The following DGKB variants were observed in gnomAD, a reference collection of about 807,000 sequenced individuals.
DGKB encodes 90 kDa diacylglycerol kinase.
Under a neutral mutation model 114.3 loss-of-function variants are expected in DGKB, and 67 were observed. The ratio of observed to expected loss-of-function variants is 0.59; its 90% CI spans 0.48 to 0.72. The LOEUF (loss-of-function observed/expected upper bound fraction) is 0.72, where lower values mean the gene tolerates loss of function less well. Among genes scored for constraint, DGKB ranks in the 30% least tolerant of loss-of-function variants. The probability of loss-of-function intolerance (pLI) is 0.00; values close to 1 mark genes in which losing one functional copy is unlikely to be tolerated. For synonymous variants in DGKB, 398 were observed against 323.1 expected (o/e 1.23, Z -2.49); for missense variants, 907 against 975.2 (o/e 0.93, Z 0.93).
At chr7:14,391,581 C>T (rs1157641719) in intron 21 of DGKB, among the ~76,000 whole-genome samples, 8 of 151,744 alleles carry the variant, frequency 5.3e-5, no homozygotes, top group African/African-American at 1.7e-4. Flanking sequence ...GTCCCATAGT[C>T]CCAGCTACTC....
intron 2 of DGKB, among the ~76,000 whole-genome samples, chr7:14,765,631 A>ATT (rs1416553948): frequency 6.6e-6 from 1 of 151,966 alleles, no homozygotes; most frequent in African/African-American, 2.4e-5. Context: ...TGATAGACAA[A>ATT]TATCTGCTAA....
chr7:14,811,050 A>ACAGTCC (rs1843374275), intron 2 of DGKB, among the ~76,000 whole-genome samples: 1 of 152,160 alleles, frequency 6.6e-6, no homozygotes, highest in Admixed American at 6.5e-5. Context: ...CAGATGTTTT[A>ACAGTCC]AACAGTCCAA....
At chr7:14,298,188 A>G (rs1000019254) in intron 23 of DGKB, among the ~76,000 whole-genome samples, 3 of 152,218 alleles carry the variant, frequency 2.0e-5, no homozygotes, top group African/African-American at 7.2e-5. Flanking sequence ...CTTTCTTCAC[A>G]TAATTAGAAA....
chr7:14,448,193 C>G (rs1381052472), intron 21 of DGKB, among the ~76,000 whole-genome samples: 3 of 152,058 alleles, frequency 2.0e-5, no homozygotes, highest in African/African-American at 7.2e-5. Context: ...CCACATAATG[C>G]TGTTACAGCC....
chr7:14,713,647 T>TC (rs1429336235), intron 6 of DGKB, among the ~76,000 whole-genome samples: 1 of 147,192 alleles, frequency 6.8e-6, no homozygotes, highest in Admixed American at 6.9e-5. Flanking sequence ...TTTTTTTTTT[T>TC]CATTGTCAAA....
At chr7:14,150,215 C>A (rs1243470524) in intron 25 of DGKB, among the ~76,000 whole-genome samples, 1 of 152,074 alleles carries the variant, frequency 6.6e-6, no homozygotes, top group Non-Finnish European at 1.5e-5. Context: ...ATACAAGAAC[C>A]ATCGCTTATT....
At chr7:14,627,350 A>C (rs1490381030) in intron 14 of DGKB, among the ~76,000 whole-genome samples, 1 of 152,110 alleles carries the variant, frequency 6.6e-6, no homozygotes, top group African/African-American at 2.4e-5. Context: ...ACTTGAAGGT[A>C]CACTTGGTGA....
intron 1 of DGKB, among the ~76,000 whole-genome samples, chr7:14,945,033 A>T (rs1239923223): frequency 6.6e-6 from 1 of 151,926 alleles, no homozygotes; most frequent in East Asian, 1.9e-4. Context: ...TCTCTAAAGG[A>T]CATATACATG....
At chr7:14,279,035 G>C (rs1035807841) in intron 23 of DGKB, among the ~76,000 whole-genome samples, 2 of 152,176 alleles carry the variant, frequency 1.3e-5, no homozygotes, top group Admixed American at 1.3e-4. Context: ...CACCGTGAGC[G>C]AGCCGAAGCA....
intron 1 of DGKB, among the ~76,000 whole-genome samples, chr7:14,901,340 C>T (rs1192293845): frequency 1.3e-5 from 2 of 152,256 alleles, no homozygotes; most frequent in East Asian, 3.9e-4. Flanking sequence ...TCCTTGGTTA[C>T]CCATTTTCTA....
chr7:14,150,231 T>G (rs769737232), intron 25 of DGKB, among the ~76,000 whole-genome samples: 1 of 152,136 alleles, frequency 6.6e-6, no homozygotes, highest in African/African-American at 2.4e-5. Flanking sequence ...TTATTAAATA[T>G]CAGTTGTCAC....
chr7:14,818,500 C>T (rs929688682), intron 2 of DGKB, among the ~76,000 whole-genome samples: 5 of 152,134 alleles, frequency 3.3e-5, no homozygotes, highest in Non-Finnish European at 7.4e-5. Context: ...TCTGCAGGTA[C>T]CCTTTCCCTT....
At chr7:14,882,932 C>T (rs1402649472) in intron 1 of DGKB, among the ~76,000 whole-genome samples, 2 of 151,882 alleles carry the variant, frequency 1.3e-5, no homozygotes, top group East Asian at 1.9e-4. Flanking sequence ...CTGCAATAAA[C>T]ACAGGAGTGC....
At chr7:14,294,292 C>A (rs1268470233) in intron 23 of DGKB, among the ~76,000 whole-genome samples, 1 of 152,080 alleles carries the variant, frequency 6.6e-6, no homozygotes, top group African/African-American at 2.4e-5. Context: ...TCAATTCTCC[C>A]TTACTATGTA....
intron 21 of DGKB, among the ~76,000 whole-genome samples, chr7:14,469,060 A>G (rs1780899901): frequency 6.6e-6 from 1 of 152,122 alleles, no homozygotes; most frequent in Non-Finnish European, 1.5e-5. Flanking sequence ...TATACAATCA[A>G]GCCTTACTTC....
chr7:14,974,472 C>T (rs969480830), intron 1 of DGKB, among the ~76,000 whole-genome samples: 2 of 152,044 alleles, frequency 1.3e-5, no homozygotes, highest in Admixed American at 1.3e-4. Flanking sequence ...AAGACTGATT[C>T]AAATGTTACT....
chr7:14,521,066 G>C (rs371899256), intron 20 of DGKB, among the ~76,000 whole-genome samples: 78 of 152,052 alleles, frequency 5.1e-4, no homozygotes, highest in African/African-American at 1.8e-3. Context: ...TAGATGTCAG[G>C]AATTTTTTTG....
chr7:14,865,499 T>C (rs2128187312), intron 1 of DGKB, among the ~76,000 whole-genome samples: 1 of 152,350 alleles, frequency 6.6e-6, no homozygotes, highest in Middle Eastern at 3.4e-3. Context: ...ATTTGGATTA[T>C]TGTTAAAACT....
intron 17 of DGKB, among the ~76,000 whole-genome samples, chr7:14,599,402 T>C (rs1030488378): frequency 6.6e-6 from 1 of 152,176 alleles, no homozygotes; most frequent in Non-Finnish European, 1.5e-5. Flanking sequence ...CCTGGGCTTC[T>C]TGCTAATGTT....
Sources: gnomAD v4.1 joint callset for allele counts (sites outside exome capture counted in the v4.1 genomes callset) on GRCh38, gnomAD v4.1.1 for gene constraint, MANE v1.5 for transcripts, NCBI Gene and HGNC (gene_info 2026-07-23, HGNC 2026-07-21) for gene names.